Variants in EFR3B observed in about 807,000 individuals in gnomAD.
EFR3B encodes the protein protein EFR3 homolog B.
Under a neutral mutation model 104.7 loss-of-function variants are expected in EFR3B, and 64 were observed. That is an observed-to-expected ratio of 0.61 (90% confidence interval 0.50 to 0.75). EFR3B has a LOEUF of 0.75. Ranked by LOEUF, EFR3B falls within the 30% of genes least tolerant of loss-of-function variation. The pLI, the probability that EFR3B is intolerant of heterozygous loss-of-function variation, is 0.00. For missense variants in EFR3B, 750 were observed against 1,078.5 expected, an observed-to-expected ratio of 0.70 and a Z score of 4.27; for synonymous variants, 385 against 417.9, an observed-to-expected ratio of 0.92 and a Z score of 0.96.
chr2:25,095,167 A>G (rs1006679105), intron 3 of EFR3B, among the ~76,000 whole-genome samples: 1 of 152,192 alleles, frequency 6.6e-6, no homozygotes, highest in Admixed American at 6.5e-5. Flanking sequence ...AATAATGAAA[A>G]AGTAGAAGTA....
chr2:25,108,699 G>A (rs191977799), intron 4 of EFR3B, among the ~76,000 whole-genome samples: 1 of 152,220 alleles, frequency 6.6e-6, no homozygotes, highest in Non-Finnish European at 1.5e-5. Flanking sequence ...ATTGGACTTC[G>A]TCAAAATTTA....
intron 4 of EFR3B, among the ~76,000 whole-genome samples, chr2:25,106,993 T>C (rs1669581040): frequency 6.6e-6 from 1 of 152,208 alleles, no homozygotes; most frequent in African/African-American, 2.4e-5. Flanking sequence ...GCAAAATGAA[T>C]CAAGCTCATT....
Position 25,141,383 on chromosome 2 carries a change from G to T in EFR3B, c.1872G>T (p.Lys624Asn). ...QHIHEVIETR[K>N]KEAPYMLPED... The stretch of plus-strand genomic sequence containing the variant: ...ACCGCCAGGTGATAGAGACCAGGAA[G>T]AAAGAGGCTCCATACATGCTCCCCG... Residue 624 changes from lysine (K) to asparagine (N), a missense_variant, in exon 17 of 23, where the codon AAG (lysine) becomes AAT (asparagine). Coordinates refer to ENST00000403714, the MANE Select transcript of EFR3B (RefSeq NM_014971.2). 6.4e-7 allele frequency: 1 copy of T among 1,551,606 alleles called. No individual in the cohort carries two copies. Among genetic ancestry groups the T allele is most frequent in the South Asian group, 1.2e-5 (1 of 84,056 alleles).
chr2:25,103,496 C>A, intron 3 of EFR3B, 141 bp from the exon 4 acceptor site: 1 of 1,186,760 alleles, frequency 8.4e-7, no homozygotes, highest in Non-Finnish European at 1.2e-6. Context: ...GAAAGGCTAT[C>A]CAGACGTTGG....
chr2:25,131,694 A>C lies in EFR3B; in HGVS notation c.986-56A>C. 1.3e-6 allele frequency: 2 copies of C among 1,483,856 alleles called. No individual in the cohort carries two copies. The highest frequency in any genetic ancestry group is 9.0e-7 in the Non-Finnish European group (1 of 1,111,482). The allele number at this position is 1,483,856 out of a possible 1,614,324, so 91.9% of individuals were successfully genotyped here. A position where few individuals can be genotyped will look rare whatever the true frequency, so the allele number is the denominator to read the frequency against. On this transcript the variant is annotated intron_variant, in intron 9 of 22. Transcript: ENST00000403714. This position sits in a 1 kb window ranked among gnomAD's most constrained non-coding sequence, Gnocchi z 7.6. ...ACCCTGCCCTGCCTGCGCGCGGTGC[A>C]CAGAGGAGGAGGGTGCCAGCCTTGG...
At chr2:25,141,292 G>A (rs563389754) in intron 16 of EFR3B, 74 bp from the exon 17 acceptor site, 58 of 1,483,504 alleles carry the variant, frequency 3.9e-5, no homozygotes, top group East Asian at 2.2e-4. Context: ...AGCCGGGCAT[G>A]GGAGCTCTTT....
chr2:25,143,186 G>A (rs749612075), intron 17 of EFR3B, among the ~76,000 whole-genome samples: 11 of 151,968 alleles, frequency 7.2e-5, no homozygotes, highest in Non-Finnish European at 1.2e-4. Flanking sequence ...ACTGCACTCC[G>A]GTCTGGGTGA....
chr2:25,133,079 C>A (rs778299177), intron 11 of EFR3B, 65 bp downstream of exon 11: 5 of 1,401,792 alleles, frequency 3.6e-6, no homozygotes, highest in East Asian at 5.0e-5. Context: ...CTGACCCCCT[C>A]CTTTATCCCT....
At chr2:25,079,505 CTT>C (rs1172332440) in intron 1 of EFR3B, among the ~76,000 whole-genome samples, 2 of 152,164 alleles carry the variant, frequency 1.3e-5, no homozygotes, top group Non-Finnish European at 1.5e-5. Context: ...TGTTACGAGA[CTT>C]ATATGAAATA....
At chr2:25,142,081 T>C (rs1354092842) in intron 17 of EFR3B, among the ~76,000 whole-genome samples, 1 of 152,132 alleles carries the variant, frequency 6.6e-6, no homozygotes, top group Non-Finnish European at 1.5e-5. Context: ...GGAGGATCTC[T>C]TGAGCCCATG....
At chr2:25,135,941 A>G (rs1277652116) in intron 13 of EFR3B, among the ~76,000 whole-genome samples, 1 of 152,188 alleles carries the variant, frequency 6.6e-6, no homozygotes, top group East Asian at 1.9e-4. Flanking sequence ...AAGTGTGAGA[A>G]GGAAGGGGAT....
chr2:25,082,074 C>A (rs916069400), intron 1 of EFR3B, among the ~76,000 whole-genome samples: 1 of 152,194 alleles, frequency 6.6e-6, no homozygotes, highest in African/African-American at 2.4e-5. Context: ...CTGCTGGTGG[C>A]CCAGGTGAGG....
chr2:25,153,566 G>C (rs1352621386), intron 21 of EFR3B, 146 bp from the exon 22 acceptor site: 2 of 752,292 alleles, frequency 2.7e-6, no homozygotes, highest in African/African-American at 3.5e-5. Context: ...CAGTGGATGA[G>C]TGCTGGAGCG....
chr2:25,131,472 A>G lies in EFR3B; in HGVS notation c.954A>G (p.Glu318=). ...CGGGCATCGTGGAAGTCTTGTCGGA[A>G]GCCGCGGTCATCGCTGCCACCGGCT... ...VRAGIVEVLS[E]AAVIAATGSV... is the part of the protein sequence containing the mutation. The change falls in exon 9 of 23, where the codon GAA becomes GAG. Residue 318 remains glutamate (E), a synonymous_variant. Transcript: ENST00000403714. The surrounding 1 kb of genome is among the most constrained non-coding windows in gnomAD (Gnocchi z 7.6). 1 of 1,550,198 alleles carries G rather than the reference A, an allele frequency of 6.5e-7. No individual in the cohort carries two copies. Among genetic ancestry groups the G allele is most frequent in the Non-Finnish European group, 8.7e-7 (1 of 1,146,842 alleles).
At chr2:25,059,114 A>ATT (rs70947864) in intron 1 of EFR3B, among the ~76,000 whole-genome samples, 12,510 of 141,998 alleles carry the variant, frequency 0.088, 738 homozygotes, top group East Asian at 0.23. Flanking sequence ...TTCAGTGTTG[A>ATT]TTTTTTTTTT....
intron 1 of EFR3B, among the ~76,000 whole-genome samples, chr2:25,069,344 T>TC (rs1338235119): frequency 1.3e-5 from 2 of 152,202 alleles, no homozygotes; most frequent in African/African-American, 2.4e-5. Context: ...GATGCTTTTT[T>TC]CCCCTCTTCC....
intron 6 of EFR3B, 142 bp downstream of exon 6, chr2:25,128,474 C>T: frequency 9.2e-7 from 1 of 1,086,444 alleles, no homozygotes; most frequent in Non-Finnish European, 1.3e-6. Context: ...GCAGTGAGTC[C>T]AAAGCTGGCT....
chr2:25,157,994 G>A lies in EFR3B; in HGVS notation c.*3654G>A, dbSNP rs1671220357. 4 of 152,300 alleles carry A rather than the reference G, an allele frequency of 2.6e-5. No homozygotes were observed. The South Asian group carries it at 8.3e-4, about 32-fold the overall frequency. 9.4% of individuals were successfully genotyped at this position (152,300 alleles called of 1,614,324 possible). On this transcript the variant is annotated 3_prime_UTR_variant, in exon 23 of 23. Transcript: ENST00000403714. ...TGGACTCACTGAAGTACTTGAAGAA[G>A]CACAAGTGTCATAGATGTGCCGCCC...
chr2:25,125,342 C>T (rs1255842259), intron 5 of EFR3B, among the ~76,000 whole-genome samples: 5 of 152,200 alleles, frequency 3.3e-5, no homozygotes, highest in Admixed American at 2.0e-4. Flanking sequence ...ACGGGACAAA[C>T]GAGTCCAGCA....
Sources: gnomAD v4.1 joint callset for allele counts (sites outside exome capture counted in the v4.1 genomes callset) on GRCh38, gnomAD v4.1.1 for gene constraint, Gnocchi (gnomAD v3.1) non-coding constraint, MANE v1.5 for transcripts, NCBI Gene and HGNC (gene_info 2026-07-23, HGNC 2026-07-21) for gene names.